The following EPM2A variants were observed in gnomAD, a reference collection of about 807,000 sequenced individuals.
EPM2A encodes EPM2A glucan phosphatase, laforin.
Under a neutral mutation model 26.5 loss-of-function variants are expected in EPM2A, and 21 were observed. That is an observed-to-expected ratio of 0.79 (90% CI 0.56 to 1.14). The LOEUF is 1.14. Ranked by LOEUF, EPM2A falls within the 50% of genes most tolerant of loss-of-function variation. EPM2A has a pLI of 0.00. For missense variants in EPM2A, 458 were observed against 440.8 expected (o/e 1.04, Z -0.35); for synonymous variants, 217 against 177.6 (o/e 1.22, Z -1.76).
intron 4 of EPM2A, among the ~76,000 whole-genome samples, chr6:145,427,262 T>C (rs1377082978): frequency 1.3e-5 from 2 of 152,184 alleles, no homozygotes; most frequent in East Asian, 3.8e-4. Flanking sequence ...ATTGGGCATG[T>C]GGAGTCTGTG....
intron 2 of EPM2A, among the ~76,000 whole-genome samples, chr6:145,599,699 T>TA (rs1487321518): frequency 1.3e-5 from 2 of 151,998 alleles, no homozygotes; most frequent in African/African-American, 4.8e-5. Flanking sequence ...AATAAAAAAC[T>TA]AAAAATCTCA....
At chr6:145,474,093 A>T (rs1779510418) in intron 4 of EPM2A, among the ~76,000 whole-genome samples, 1 of 152,212 alleles carries the variant, frequency 6.6e-6, no homozygotes, top group Admixed American at 6.5e-5. Context: ...ATCAATAAAA[A>T]ATCATAAGTA....
rs114267794 is a variant in EPM2A at position 145,517,285 on chromosome 6, T to C, written c.341-14710A>G. Among the ~76,000 whole-genome samples the C allele has an allele frequency of 7.7e-3, 1,169 of 152,344 alleles. 16 individuals are homozygous for C. The highest frequency in any genetic ancestry group is 0.027 in the African/African-American group (1,113 of 41,582). On this transcript the variant is annotated intron_variant, in intron 2 of 3. Coordinates refer to the EPM2A transcript ENST00000450221. ...GATCTGTTATACAACATTGTGCTTATAATTCACAGTACTGCTCACATAAAA... is the reference window on the plus strand; with the variant it reads ...GATCTGTTATACAACATTGTGCTTACAATTCACAGTACTGCTCACATAAAA...
intron 2 of EPM2A, among the ~76,000 whole-genome samples, chr6:145,677,847 T>C (rs543667655): frequency 6.6e-6 from 1 of 152,288 alleles, no homozygotes; most frequent in African/African-American, 2.4e-5. Flanking sequence ...AAAATGGCCA[T>C]ATGGCCTCAG....
intron 1 of EPM2A, among the ~76,000 whole-genome samples, chr6:145,712,683 C>G (rs1171183463): frequency 6.6e-6 from 1 of 152,142 alleles, no homozygotes; most frequent in Non-Finnish European, 1.5e-5. Flanking sequence ...TTTTGAGACA[C>G]TAGCCAAAGC....
At chr6:145,534,451 G>A (rs935826514) in intron 2 of EPM2A, among the ~76,000 whole-genome samples, 2 of 152,206 alleles carry the variant, frequency 1.3e-5, no homozygotes, top group African/African-American at 4.8e-5. Flanking sequence ...TTAAAGGAGG[G>A]GGAGGAATTA....
At chr6:145,655,979 A>G (rs1778250188) in intron 2 of EPM2A, among the ~76,000 whole-genome samples, 1 of 152,190 alleles carries the variant, frequency 6.6e-6, no homozygotes, top group Non-Finnish European at 1.5e-5. Flanking sequence ...CAAAAATGCA[A>G]TCCAAAGATT....
chr6:145,507,902 G>A (rs1190150465), intron 2 of EPM2A, among the ~76,000 whole-genome samples: 1 of 152,128 alleles, frequency 6.6e-6, no homozygotes, highest in Non-Finnish European at 1.5e-5. Flanking sequence ...TGTCCTTGGT[G>A]GGTGCCCCAG....
At chr6:145,487,748 T>G (rs1196842112) in intron 4 of EPM2A, among the ~76,000 whole-genome samples, 1 of 152,188 alleles carries the variant, frequency 6.6e-6, no homozygotes, top group Non-Finnish European at 1.5e-5. Flanking sequence ...TTGCAAAAAT[T>G]TTCTCCCATT....
intron 4 of EPM2A, among the ~76,000 whole-genome samples, chr6:145,446,129 G>T (rs1305499358): frequency 2.0e-5 from 3 of 152,190 alleles, no homozygotes; most frequent in Non-Finnish European, 4.4e-5. Flanking sequence ...TGGATGTACA[G>T]CCCAGTAAAG....
chr6:145,678,151 C>G (rs750073667), intron 2 of EPM2A, among the ~76,000 whole-genome samples: 59 of 152,194 alleles, frequency 3.9e-4, no homozygotes, highest in Admixed American at 5.2e-4. Context: ...TGATCATTGA[C>G]AAACCTGACA....
rs752319337 is a variant in EPM2A, at chr6:145,476,049, C to T, written c.555+26473G>A. Among the ~76,000 whole-genome samples, 14 of 151,874 alleles carry T rather than the reference C, an allele frequency of 9.2e-5. No homozygotes were observed. In the East Asian group the frequency reaches 9.6e-4, roughly 10 times the overall value. On this transcript the variant is annotated intron_variant, in intron 4 of 4. Coordinates refer to the EPM2A transcript ENST00000638717. ...AACATACTTCACATATAAAGACACA[C>T]ATAGACTGAAAATAAAGGGATGGAA... is the stretch of plus-strand genomic sequence containing the variant.
chr6:145,507,547 C>T (rs1299730261), intron 2 of EPM2A, among the ~76,000 whole-genome samples: 1 of 152,148 alleles, frequency 6.6e-6, no homozygotes, highest in Admixed American at 6.5e-5. Context: ...GATGGAGACA[C>T]TGGGAAAAAA....
intron 2 of EPM2A, among the ~76,000 whole-genome samples, chr6:145,546,404 G>T (rs937647536): frequency 4.6e-5 from 7 of 152,092 alleles, no homozygotes; most frequent in Admixed American, 3.9e-4. Flanking sequence ...ATTGGATGGT[G>T]CCTGCTCACA....
chr6:145,414,806 A>G (rs989689825), intron 4 of EPM2A, among the ~76,000 whole-genome samples: 2 of 152,170 alleles, frequency 1.3e-5, no homozygotes, highest in South Asian at 4.1e-4. Flanking sequence ...CCTGCCTTTG[A>G]TAATATGCTA....
intron 1 of EPM2A, among the ~76,000 whole-genome samples, chr6:145,699,827 G>C (rs1299473879): frequency 6.6e-6 from 1 of 152,114 alleles, no homozygotes; most frequent in African/African-American, 2.4e-5. Context: ...ATTTACATTA[G>C]TTAATGATTC....
chr6:145,422,118 A>G (rs1183935644), intron 4 of EPM2A, among the ~76,000 whole-genome samples: 1 of 146,368 alleles, frequency 6.8e-6, no homozygotes, highest in Admixed American at 6.9e-5. Context: ...ATATATAAAT[A>G]TATAATATAG....
At chr6:145,618,590 C>G (rs1003167386) in intron 2 of EPM2A, among the ~76,000 whole-genome samples, 1 of 152,170 alleles carries the variant, frequency 6.6e-6, no homozygotes, top group African/African-American at 2.4e-5. Flanking sequence ...GGCTTTTCCC[C>G]CTTTTGCTCA....
rs556393719 is a variant in EPM2A, at chr6:145,490,239, C to T, written c.555+12283G>A. ...TTACTTCCTTGCATAAACCACAAGT[C>T]ACATAAAGAACAATAGTTGGGTTTA... is the stretch of plus-strand genomic sequence containing the variant. On this transcript the variant is annotated intron_variant, in intron 4 of 4. Transcript: ENST00000638717. 37 of 1,228,194 alleles carry T rather than the reference C, an allele frequency of 3.0e-5. No homozygotes were observed. In the South Asian group the frequency reaches 5.2e-4, roughly 17 times the overall value. The allele number at this position is 1,228,194 out of a possible 1,614,324, so 76.1% of individuals were successfully genotyped here.
Sources: allele counts gnomAD v4.1 joint callset (sites outside exome capture counted in the v4.1 genomes callset), GRCh38; gene constraint gnomAD v4.1.1; transcripts MANE v1.5; gene names NCBI Gene and HGNC (gene_info 2026-07-23, HGNC 2026-07-21).